The following CCDC27 variants were observed in gnomAD, a reference collection of about 807,000 sequenced individuals.
The protein encoded by CCDC27 is coiled-coil domain containing 27.
CCDC27 carries 80 observed loss-of-function variants against 80.3 expected under a neutral mutation model. That is an observed-to-expected ratio of 1.00 (90% CI 0.83 to 1.20). CCDC27 has a LOEUF of 1.20. Among genes scored for constraint, CCDC27 ranks in the 50% most tolerant of loss-of-function variants. The pLI is 0.00. For synonymous variants in CCDC27, 342 were observed against 334.3 expected (o/e 1.02, Z -0.25); for missense variants, 815 against 809.4 (o/e 1.01, Z -0.08).
rs772610990 is a variant in CCDC27, at chr1:3,771,484, C to A, written c.1932C>A (p.Ala644=). 4 of 1,613,988 alleles carry A rather than the reference C, an allele frequency of 2.5e-6. No individual in the cohort carries two copies. The East Asian group carries it at 8.9e-5, about 36-fold the overall frequency. The change falls in exon 12 of 12, where the codon GCC becomes GCA. Residue 644 remains alanine (A), a synonymous_variant. Coordinates refer to ENST00000294600, the MANE Select transcript of CCDC27 (RefSeq NM_152492.3). ...TGCCCCCCCTGCAACAGTCAGAGGC[C>A]TTCCTGACCAGCAAATCCAAGAAGG... is the stretch of plus-strand genomic sequence containing the variant. ...VKVPPLQQSE[A]FLTSKSKKGT... is the part of the protein sequence containing the mutation.
chr1:3,766,458 A>C lies in CCDC27; in HGVS notation c.1453-77A>C. ...TATTTTAGGGAGCTTTGGGGAAGGAAAAAAGTTAGATGCCGGAATTCAGTC... is the reference window on the plus strand; with the variant it reads ...TATTTTAGGGAGCTTTGGGGAAGGACAAAAGTTAGATGCCGGAATTCAGTC... On this transcript the variant is annotated intron_variant, in intron 8 of 11. Transcript: ENST00000294600. This position sits in a 1 kb window ranked among gnomAD's most constrained non-coding sequence, Gnocchi z 6.1. 3.9e-6 allele frequency: 4 copies of C among 1,034,834 alleles called. No individual in the cohort carries two copies. The highest frequency in any genetic ancestry group is 4.4e-6 in the Non-Finnish European group (3 of 682,686). The allele number at this position is 1,034,834 out of a possible 1,614,324, so 64.1% of individuals were successfully genotyped here. A position where few individuals can be genotyped will look rare whatever the true frequency, so the allele number is the denominator to read the frequency against.
chr1:3,767,208 CTT>C (rs1462286875), intron 9 of CCDC27, 23 bp from the exon 10 acceptor site: 46 of 1,610,406 alleles, frequency 2.9e-5, no homozygotes, highest in East Asian at 1.3e-4. Context: ...GACCCCACCT[CTT>C]TTTTCTCCCC....
Position 3,763,522 on chromosome 1 carries a change from C to G in CCDC27, c.1321+48C>G. ...TGGGCTTTGGCCACTCAGTGGTTCC[C>G]GGCCCAGGAGCTGGGACGCCCAGAC... is the stretch of plus-strand genomic sequence containing the variant. On this transcript the variant is annotated intron_variant, in intron 7 of 11. Coordinates refer to ENST00000294600, the MANE Select transcript of CCDC27 (RefSeq NM_152492.3). The surrounding 1 kb of genome is among the most constrained non-coding windows in gnomAD (Gnocchi z 7.5). 2 of 1,552,128 alleles carry G rather than the reference C, an allele frequency of 1.3e-6. No homozygotes were observed. The highest frequency in any genetic ancestry group is 1.7e-6 in the Non-Finnish European group (2 of 1,148,654).
chr1:3,763,176 G>C lies in CCDC27; in HGVS notation c.1023G>C (p.Glu341Asp). 2 of 1,505,478 alleles carry C rather than the reference G, an allele frequency of 1.3e-6. No individual in the cohort carries two copies. The highest frequency in any genetic ancestry group is 1.8e-6 in the Non-Finnish European group (2 of 1,124,640). The allele number at this position is 1,505,478 out of a possible 1,614,324, so 93.3% of individuals were successfully genotyped here. ...ACCTGGGAGGTGGCGAGGAGGACGA[G>C]GGCCTGGAAGGGGAGCCCGATGGGG... ...EPDLGGGEEDEGLEGEPDGVE... is the reference protein window; with the variant it reads ...EPDLGGGEEDDGLEGEPDGVE... Residue 341 changes from glutamate to aspartate, a missense_variant, in exon 7 of 12, where the codon GAG becomes GAC. By Grantham distance (45) the Glu-to-Asp change is conservative. Transcript: ENST00000294600. This position sits in a 1 kb window ranked among gnomAD's most constrained non-coding sequence, Gnocchi z 7.5.
chr1:3,756,024 TC>T (rs1210273902), intron 3 of CCDC27: 3 of 163,386 alleles, frequency 1.8e-5, no homozygotes, highest in African/African-American at 4.8e-5. Flanking sequence ...GTGGAGAATC[TC>T]CTCCCTCCTC....
In CCDC27 at chr1:3,762,632, G is replaced by C. The variant is rs1643114609; in HGVS notation, c.874G>C (p.Asp292His). ...GGGCGTCTTGCAGGAGCAGCTCTCAGACGCTTCGCTGAAGCTGGGCAGGCT... is the reference window on the plus strand; with the variant it reads ...GGGCGTCTTGCAGGAGCAGCTCTCACACGCTTCGCTGAAGCTGGGCAGGCT... Reference protein sequence around the residue: ...MSPGRREQLSDASLKLGRLSL... With the variant: ...MSPGRREQLSHASLKLGRLSL... The change falls in exon 6 of 12, where the codon GAC becomes CAC. Residue 292 changes from aspartate (D) to histidine (H), a missense_variant. Transcript: ENST00000294600. 1.3e-6 allele frequency: 2 copies of C among 1,550,772 alleles called. No individual in the cohort carries two copies. The highest frequency in any genetic ancestry group is 1.7e-6 in the Non-Finnish European group (2 of 1,146,824).
chr1:3,757,438 T>TAG (rs1557622166), intron 4 of CCDC27, among the ~76,000 whole-genome samples: 1 of 151,338 alleles, frequency 6.6e-6, no homozygotes, highest in Admixed American at 6.6e-5. Flanking sequence ...ATTATTATTA[T>TAG]TAGTAGTAGT....
rs1643320439 is a variant in CCDC27 at position 3,769,933 on chromosome 1, A to G, written c.1848+46A>G. 1 of 1,391,244 alleles carries G rather than the reference A, an allele frequency of 7.2e-7. No homozygotes were observed. The highest frequency in any genetic ancestry group is 1.4e-5 in the African/African-American group (1 of 70,438). The allele number at this position is 1,391,244 out of a possible 1,614,324, so 86.2% of individuals were successfully genotyped here. On this transcript the variant is annotated intron_variant, in intron 11 of 11. Coordinates refer to ENST00000294600, the MANE Select transcript of CCDC27 (RefSeq NM_152492.3). This position sits in a 1 kb window ranked among gnomAD's most constrained non-coding sequence, Gnocchi z 4.6. ...GCCTCTATCCGGGCCCCAGACCCCC[A>G]GGCCAGAGCTGTGGTAGGGGGTTGT... is the stretch of plus-strand genomic sequence containing the variant.
At position 3,763,672 on chromosome 1, in the gene CCDC27, T is replaced by G. The variant is rs1328439086; in HGVS notation, c.1322-34T>G. 1 of 1,613,000 alleles carries G rather than the reference T, an allele frequency of 6.2e-7. No homozygotes were observed. Among genetic ancestry groups the G allele is most frequent in the African/African-American group, 1.3e-5 (1 of 74,900 alleles). The stretch of plus-strand genomic sequence containing the variant: ...CCTTCTGTCCCTCACTGCCCCTGCT[T>G]GCTCCTGCTCACCGCCTCTGCCTCT... On this transcript the variant is annotated intron_variant, in intron 7 of 11. Coordinates refer to ENST00000294600, the MANE Select transcript of CCDC27 (RefSeq NM_152492.3). The surrounding 1 kb of genome is among the most constrained non-coding windows in gnomAD (Gnocchi z 7.5).
intron 11 of CCDC27, 98 bp from the exon 12 acceptor site, chr1:3,771,303 G>A: frequency 4.0e-6 from 6 of 1,489,434 alleles, no homozygotes; most frequent in Non-Finnish European, 4.6e-6. Context: ...GGAGGAGAGG[G>A]TGGCGTCCCG....
In CCDC27 at chr1:3,754,108, G is replaced by A. The variant is rs754332148; in HGVS notation, c.319-10G>A. The A allele has an allele frequency of 1.7e-5, 27 of 1,612,178 alleles. No homozygotes were observed. The highest frequency in any genetic ancestry group is 3.3e-5 in the South Asian group (3 of 90,918). The stretch of plus-strand genomic sequence containing the variant: ...CTTCCTTGTCTGTCTTACTTTCCCC[G>A]CTCTGCCAGAGTGAACCCAAGGATG... On this transcript the variant is annotated splice_polypyrimidine_tract_variant and intron_variant, in intron 1 of 11. Transcript: ENST00000294600.
intron 9 of CCDC27, 103 bp from the exon 10 acceptor site, chr1:3,767,130 C>G: frequency 9.6e-7 from 1 of 1,047,022 alleles, no homozygotes; most frequent in Non-Finnish European, 1.4e-6. Flanking sequence ...TGAGCCACTG[C>G]ACCTGGCCGC....
intron 8 of CCDC27, among the ~76,000 whole-genome samples, chr1:3,765,259 C>T (rs1031021886): frequency 6.6e-6 from 1 of 152,182 alleles, no homozygotes; most frequent in South Asian, 2.1e-4. Flanking sequence ...TTGTTCCTCT[C>T]TGGAAAGTTG....
Position 3,763,070 on chromosome 1 carries a change from C to G in CCDC27, c.955-38C>G. 6.9e-7 allele frequency: 1 copy of G among 1,453,908 alleles called. No individual in the cohort carries two copies. Among genetic ancestry groups the G allele is most frequent in the Non-Finnish European group, 9.1e-7 (1 of 1,102,220 alleles). The allele number at this position is 1,453,908 out of a possible 1,614,324, so 90.1% of individuals were successfully genotyped here. Reference sequence around the variant, plus strand: ...AGAGCCCTCTGCCCTGGGGGTGCCCCGCAGCCCTGCCCAGCCCCTGCCCTA... The same window carrying G: ...AGAGCCCTCTGCCCTGGGGGTGCCCGGCAGCCCTGCCCAGCCCCTGCCCTA... On this transcript the variant is annotated intron_variant, in intron 6 of 11. Transcript: ENST00000294600. This position sits in a 1 kb window ranked among gnomAD's most constrained non-coding sequence, Gnocchi z 7.5.
At chr1:3,770,619 C>T (rs1267262917) in intron 11 of CCDC27, among the ~76,000 whole-genome samples, 3 of 152,182 alleles carry the variant, frequency 2.0e-5, no homozygotes, top group Non-Finnish European at 4.4e-5. Flanking sequence ...TTCCCAAGAC[C>T]CACACTTCAC....
In CCDC27 at chr1:3,761,514, C is replaced by A; in HGVS notation, c.861+84C>A. On this transcript the variant is annotated intron_variant, in intron 5 of 11. Transcript: ENST00000294600. The surrounding 1 kb of genome is among the most constrained non-coding windows in gnomAD (Gnocchi z 5.0). Reference sequence around the variant, plus strand: ...CCAAAGCTGCTAGTGACACACAGGCCCCTGGCAAACCCCCAGGCCCCCTGG... The same window carrying A: ...CCAAAGCTGCTAGTGACACACAGGCACCTGGCAAACCCCCAGGCCCCCTGG... 1.3e-6 allele frequency: 2 copies of A among 1,482,932 alleles called. No individual in the cohort carries two copies. The highest frequency in any genetic ancestry group is 9.1e-7 in the Non-Finnish European group (1 of 1,098,406). 91.9% of individuals were successfully genotyped at this position (1,482,932 alleles called of 1,614,324 possible).
chr1:3,753,417 G>A (rs901356930), intron 1 of CCDC27, among the ~76,000 whole-genome samples: 2 of 150,906 alleles, frequency 1.3e-5, no homozygotes, highest in African/African-American at 2.4e-5. Context: ...TCCACCTCCT[G>A]GGTTCAAGTG....
rs145281807 is a variant in CCDC27, at chr1:3,760,416, G to A, written c.712-865G>A. Among the ~76,000 whole-genome samples, 7 of 151,862 alleles carry A rather than the reference G, an allele frequency of 4.6e-5. No homozygotes were observed. Among genetic ancestry groups the A allele is most frequent in the Non-Finnish European group, 1.0e-4 (7 of 67,984 alleles). ...TTATTCCTTTTCTTCTACTTTCTGC[G>A]GGATTAATTTTAGTTCTTTTTCTGA... On this transcript the variant is annotated intron_variant, in intron 4 of 11. Coordinates refer to ENST00000294600, the MANE Select transcript of CCDC27 (RefSeq NM_152492.3). This position sits in a 1 kb window ranked among gnomAD's most constrained non-coding sequence, Gnocchi z 4.3.
At position 3,767,528 on chromosome 1, in the gene CCDC27, T is replaced by A. The variant is rs1570719923; in HGVS notation, c.1743+83T>A. The A allele has an allele frequency of 2.3e-6, 3 of 1,284,212 alleles. No homozygotes were observed. In the Admixed American group the frequency reaches 6.8e-5, roughly 29 times the overall value. The allele number at this position is 1,284,212 out of a possible 1,614,324, so 79.6% of individuals were successfully genotyped here. On this transcript the variant is annotated intron_variant, in intron 10 of 11. Transcript: ENST00000294600. ...GGCCTCTGCCCACCGCCCACCGAGG[T>A]AGAACCGGGGTCTGTGTACGCTGGG... is the stretch of plus-strand genomic sequence containing the variant.
Sources: allele counts gnomAD v4.1 joint callset (sites outside exome capture counted in the v4.1 genomes callset), GRCh38; gene constraint gnomAD v4.1.1; non-coding constraint Gnocchi (gnomAD v3.1); transcripts MANE v1.5; gene names NCBI Gene and HGNC (gene_info 2026-07-23, HGNC 2026-07-21).